Variants in RAPGEF1 observed in about 807,000 individuals in gnomAD.
RAPGEF1 encodes the protein Rap guanine nucleotide exchange factor 1, also known as CRK SH3-binding GNRP.
RAPGEF1 carries 33 observed loss-of-function variants against 143.3 expected under a neutral mutation model. That is an observed-to-expected ratio of 0.23 (90% CI 0.17 to 0.31). The LOEUF is 0.31. RAPGEF1 is among the 10% of genes least tolerant of loss of function. RAPGEF1 has a pLI of 1.00. For synonymous variants in RAPGEF1, 629 were observed against 676.5 expected (o/e 0.93, Z 1.09); for missense variants, 1,199 against 1,645.4 (o/e 0.73, Z 4.69).
intron 1 of RAPGEF1, among the ~76,000 whole-genome samples, chr9:131,739,314 C>T (rs1837603638): frequency 6.6e-6 from 1 of 152,198 alleles, no homozygotes; most frequent in African/African-American, 2.4e-5. Context: ...TTGAAGCAAC[C>T]GAAGTGGACG....
chr9:131,688,576 CCT>C (rs1833542225), intron 1 of RAPGEF1, among the ~76,000 whole-genome samples: 1 of 152,170 alleles, frequency 6.6e-6, no homozygotes, highest in Admixed American at 6.5e-5. Flanking sequence ...AAGGGATCTG[CCT>C]CTCTGCACCC....
At chr9:131,703,411 T>C (rs936602539) in intron 1 of RAPGEF1, among the ~76,000 whole-genome samples, 3 of 152,214 alleles carry the variant, frequency 2.0e-5, no homozygotes, top group Admixed American at 6.5e-5. Flanking sequence ...CAAAATTAAA[T>C]GTAACTTCTC....
At chr9:131,719,735 T>C (rs921031206) in intron 1 of RAPGEF1, among the ~76,000 whole-genome samples, 1 of 152,052 alleles carries the variant, frequency 6.6e-6, no homozygotes, top group African/African-American at 2.4e-5. Flanking sequence ...GTTCTCATTC[T>C]ACAGAGGAGG....
chr9:131,679,065 G>T (rs1467796158), intron 1 of RAPGEF1, among the ~76,000 whole-genome samples: 1 of 152,072 alleles, frequency 6.6e-6, no homozygotes, highest in African/African-American at 2.4e-5. Context: ...GCAGTGACTG[G>T]GGGTGGGGGG....
chr9:131,624,279 C>T (rs1284306989), intron 10 of RAPGEF1, among the ~76,000 whole-genome samples: 1 of 152,164 alleles, frequency 6.6e-6, no homozygotes, highest in Non-Finnish European at 1.5e-5. Flanking sequence ...GTCAGGACTA[C>T]CTTCCATAGG....
intron 1 of RAPGEF1, among the ~76,000 whole-genome samples, chr9:131,710,508 T>C (rs1223061697): frequency 6.6e-6 from 1 of 152,186 alleles, no homozygotes; most frequent in Non-Finnish European, 1.5e-5. Context: ...AATGTCGAGG[T>C]GGATGAAAAG....
chr9:131,644,429 A>G (rs1447744162), intron 3 of RAPGEF1, among the ~76,000 whole-genome samples: 2 of 151,616 alleles, frequency 1.3e-5, no homozygotes, highest in Non-Finnish European at 2.9e-5. Flanking sequence ...TACAGAATGG[A>G]TAAATCCCAA....
chr9:131,580,062 C>T (rs1346342526), intron 26 of RAPGEF1, among the ~76,000 whole-genome samples: 1 of 152,224 alleles, frequency 6.6e-6, no homozygotes, highest in East Asian at 1.9e-4. Flanking sequence ...GGCCCAGGGC[C>T]AGGCTAGGCC....
Position 131,655,788 on chromosome 9 carries a change from C to T in RAPGEF1, c.62-4839G>A, listed in dbSNP as rs567329529. 5.3e-5 allele frequency among the ~76,000 whole-genome samples: 8 copies of T among 152,192 alleles called. No homozygotes were observed. Among genetic ancestry groups the T allele is most frequent in the South Asian group, 2.1e-4 (1 of 4,826 alleles). On this transcript the variant is annotated intron_variant, in intron 1 of 26. Coordinates refer to ENST00000683357, the MANE Select transcript of RAPGEF1 (RefSeq NM_001377935.1). This position sits in a 1 kb window ranked among gnomAD's most constrained non-coding sequence, Gnocchi z 4.1. ...ATTTTTAGTAGAGACGGGGTGTCAC[C>T]GTGTTAGCCAGGATGGTCTCGATCT...
intron 1 of RAPGEF1, among the ~76,000 whole-genome samples, chr9:131,715,647 C>A (rs1835808564): frequency 6.6e-6 from 1 of 151,980 alleles, no homozygotes; most frequent in African/African-American, 2.4e-5. Context: ...GGGCAGATCA[C>A]AAGGTCAGGA....
chr9:131,580,098 C>T (rs1297048103), intron 26 of RAPGEF1, among the ~76,000 whole-genome samples, 165 bp downstream of exon 26: 5 of 152,234 alleles, frequency 3.3e-5, no homozygotes, highest in Admixed American at 3.3e-4. Context: ...TGGGCATGCT[C>T]TCAAGTCATC....
intron 10 of RAPGEF1, among the ~76,000 whole-genome samples, chr9:131,623,525 C>T (rs992771529): frequency 8.5e-5 from 13 of 152,214 alleles, no homozygotes; most frequent in African/African-American, 2.9e-4. Context: ...TCCTTGTAGA[C>T]ACCTGCTAGC....
At chr9:131,690,391 A>G (rs1053851880) in intron 1 of RAPGEF1, among the ~76,000 whole-genome samples, 2 of 152,268 alleles carry the variant, frequency 1.3e-5, no homozygotes, top group Non-Finnish European at 2.9e-5. Flanking sequence ...TGGAAGATGA[A>G]TCTTGTGAAA....
intron 12 of RAPGEF1, among the ~76,000 whole-genome samples, chr9:131,606,797 G>T (rs546011757): frequency 3.9e-5 from 6 of 152,142 alleles, no homozygotes; most frequent in African/African-American, 1.2e-4. Context: ...CTCACTTTTT[G>T]ATTTTTTTGT....
intron 1 of RAPGEF1, among the ~76,000 whole-genome samples, chr9:131,706,997 G>A (rs1223015449): frequency 6.6e-6 from 1 of 152,238 alleles, no homozygotes; most frequent in Non-Finnish European, 1.5e-5. Flanking sequence ...CTGTCTGTCT[G>A]TATACCCAGC....
chr9:131,679,167 G>C (rs1040996840), intron 1 of RAPGEF1, among the ~76,000 whole-genome samples: 2 of 123,104 alleles, frequency 1.6e-5, no homozygotes, highest in Admixed American at 8.0e-5. Flanking sequence ...TATGTGACAA[G>C]GGGGGGGCCA....
At chr9:131,643,799 T>TC (rs1968740826) in intron 3 of RAPGEF1, among the ~76,000 whole-genome samples, 1 of 152,184 alleles carries the variant, frequency 6.6e-6, no homozygotes, top group Non-Finnish European at 1.5e-5. Flanking sequence ...CCATGGTACA[T>TC]CTGTATCCTG....
In RAPGEF1 at chr9:131,587,924, G is replaced by A. The variant is rs1344071230; in HGVS notation, c.3138+18C>T. The A allele has an allele frequency of 6.2e-7, 1 of 1,605,744 alleles. No homozygotes were observed. The highest frequency in any genetic ancestry group is 8.5e-7 in the Non-Finnish European group (1 of 1,175,536). On this transcript the variant is annotated intron_variant, in intron 21 of 26. Transcript: ENST00000683357. The stretch of plus-strand genomic sequence containing the variant: ...AGGGACAAACAGTGTGGCTCCCCCT[G>A]GCAGGAGCAGCCTGTACCTCTATTT...
chr9:131,603,497 G>A (rs536699657), intron 14 of RAPGEF1, among the ~76,000 whole-genome samples: 5 of 152,270 alleles, frequency 3.3e-5, no homozygotes, highest in African/African-American at 7.2e-5. Flanking sequence ...AGACTCACCC[G>A]CTTCCTCAGA....
Sources: allele counts gnomAD v4.1 joint callset (sites outside exome capture counted in the v4.1 genomes callset), GRCh38; gene constraint gnomAD v4.1.1; non-coding constraint Gnocchi (gnomAD v3.1); transcripts MANE v1.5; gene names NCBI Gene and HGNC (gene_info 2026-07-23, HGNC 2026-07-21).